The following RUFY2 variants were observed in gnomAD, a reference collection of about 807,000 sequenced individuals.
The protein encoded by RUFY2 is RUN and FYVE domain containing 2, also known as RUN and FYVE domain-containing protein 2.
In RUFY2, 49 loss-of-function variants were observed where a neutral mutation model predicts 94.4. The observed-to-expected ratio is 0.52, with a 90% CI of 0.41 to 0.66. The LOEUF (loss-of-function observed/expected upper bound fraction) is 0.66, where lower values mean the gene tolerates loss of function less well. Ranked by LOEUF, RUFY2 falls within the 30% of genes least tolerant of loss-of-function variation. The probability of loss-of-function intolerance (pLI) is 0.00; values close to 1 mark genes in which losing one functional copy is unlikely to be tolerated. For missense variants in RUFY2, 541 were observed against 692.8 expected (o/e 0.78, Z 2.46); for synonymous variants, 255 against 235.7 (o/e 1.08, Z -0.75).
chr10:68,366,375 T>C (rs2132521455), intron 13 of RUFY2, among the ~76,000 whole-genome samples: 1 of 147,186 alleles, frequency 6.8e-6, no homozygotes, highest in Non-Finnish European at 1.5e-5. Flanking sequence ...AAGGAAGATG[T>C]AAGTACATAA....
rs562937569 is a variant in RUFY2 at position 68,357,160 on chromosome 10, T to C, written c.1551-1759A>G. On this transcript the variant is annotated intron_variant, in intron 15 of 17. Transcript: ENST00000602465. ...TCCTGGGTGACAGAGCAAGACTCCA[T>C]CTCAAAAAACAAGAAAAAGAAAAAA... Among the ~76,000 whole-genome samples the C allele has an allele frequency of 2.7e-5, 4 of 150,746 alleles. No homozygotes were observed. In the South Asian group the frequency reaches 6.4e-4, roughly 24 times the overall value.
rs1246954774 is a variant in RUFY2, at chr10:68,363,592, G to A, written c.1548C>T (p.Ser516=). ...QALQELGNKL[S]ESKLKIEDIK... ...AGTTGAAGGAAAAAAGAAATTACTCGCTAAGCTTGTTGCCGAGTTCTTGAA... is the reference window on the plus strand; with the variant it reads ...AGTTGAAGGAAAAAAGAAATTACTCACTAAGCTTGTTGCCGAGTTCTTGAA... Residue 516 remains serine (S), a splice_region_variant and synonymous_variant, in exon 15 of 18, where the codon AGC becomes AGT. Transcript: ENST00000602465. 10 of 1,585,724 alleles carry A rather than the reference G, an allele frequency of 6.3e-6. No individual in the cohort carries two copies. The highest frequency in any genetic ancestry group is 7.7e-6 in the Non-Finnish European group (9 of 1,168,696).
chr10:68,366,115 C>T (rs1222023553), intron 13 of RUFY2, among the ~76,000 whole-genome samples: 1 of 151,730 alleles, frequency 6.6e-6, no homozygotes, highest in African/African-American at 2.4e-5. Flanking sequence ...TCTCTTGAGG[C>T]CAAGAGTTCA....
intron 15 of RUFY2, among the ~76,000 whole-genome samples, chr10:68,356,805 T>TC (rs1359847567): frequency 6.6e-6 from 1 of 151,218 alleles, no homozygotes; most frequent in Non-Finnish European, 1.5e-5. Flanking sequence ...TGTCTTGGCC[T>TC]CCCAAAGTGC....
At chr10:68,394,269 A>G in intron 5 of RUFY2, 59 bp downstream of exon 5, 1 of 1,609,456 alleles carries the variant, frequency 6.2e-7, no homozygotes, top group Non-Finnish European at 8.5e-7. Context: ...ACACCTGATC[A>G]AGGAGGAACT....
intron 2 of RUFY2, among the ~76,000 whole-genome samples, chr10:68,402,082 A>G (rs1214893508): frequency 6.6e-6 from 1 of 152,084 alleles, no homozygotes; most frequent in Admixed American, 6.6e-5. Flanking sequence ...TATTAAACAA[A>G]CCAAGCACAA....
At chr10:68,342,169 T>A, downstream of RUFY2, 1 of 669,636 alleles carries the variant, frequency 1.5e-6, no homozygotes, top group Non-Finnish European at 2.4e-6. Flanking sequence ...GGAATGTGTT[T>A]TCAAAATATT....
At chr10:68,354,149 T>C (rs1166428551) in intron 16 of RUFY2, among the ~76,000 whole-genome samples, 2 of 152,044 alleles carry the variant, frequency 1.3e-5, no homozygotes, top group Non-Finnish European at 2.9e-5. Context: ...AATAATATTA[T>C]TTGGAGTTAA....
chr10:68,344,544 A>C lies in RUFY2; in HGVS notation c.*1224T>G, dbSNP rs548338772. On this transcript the variant is annotated 3_prime_UTR_variant, in exon 18 of 18. Coordinates refer to ENST00000602465, the MANE Select transcript of RUFY2 (RefSeq NM_001330103.2). Reference sequence around the variant, plus strand: ...TCATTGAGTCAGCTTGAAATAGGTCAAGTGTACTGGCCAGGTGCTGTGGCT... The same window carrying C: ...TCATTGAGTCAGCTTGAAATAGGTCCAGTGTACTGGCCAGGTGCTGTGGCT... 6.6e-6 allele frequency: 1 copy of C among 152,326 alleles called. No homozygotes were observed. The highest frequency in any genetic ancestry group is 6.5e-5 in the Admixed American group (1 of 15,290). 9.4% of individuals were successfully genotyped at this position (152,326 alleles called of 1,614,324 possible). A position where few individuals can be genotyped will look rare whatever the true frequency, so the allele number is the denominator to read the frequency against.
chr10:68,371,645 A>G (rs2048292464), intron 13 of RUFY2, among the ~76,000 whole-genome samples: 1 of 152,110 alleles, frequency 6.6e-6, no homozygotes, highest in African/African-American at 2.4e-5. Context: ...AGGGGAGAAG[A>G]AAGCAACTGA....
chr10:68,366,739 AATATAT>A (rs35377318), intron 13 of RUFY2, among the ~76,000 whole-genome samples: 2 of 117,888 alleles, frequency 1.7e-5, no homozygotes, highest in Non-Finnish European at 3.5e-5. Flanking sequence ...GAGACTCTAA[AATATAT>A]ATATATATAT....
chr10:68,350,964 G>A (rs754430818), intron 16 of RUFY2, among the ~76,000 whole-genome samples: 49 of 152,028 alleles, frequency 3.2e-4, no homozygotes, highest in Non-Finnish European at 6.2e-4. Flanking sequence ...GCCCACCTCG[G>A]CCTCCTAAAG....
chr10:68,407,112 G>C (rs1034497446), intron 1 of RUFY2, 74 bp downstream of exon 1: 1 of 1,515,212 alleles, frequency 6.6e-7, no homozygotes, highest in South Asian at 1.2e-5. Context: ...CCAGCTCCCA[G>C]TCCACCCCGC....
chr10:68,401,850 T>C (rs901527324), intron 2 of RUFY2, 113 bp from the exon 3 acceptor site: 1 of 692,528 alleles, frequency 1.4e-6, no homozygotes, highest in Middle Eastern at 4.0e-4. Context: ...TTCAGAGATC[T>C]TTCCTCTTTT....
At chr10:68,401,844 G>A (rs2050872837) in intron 2 of RUFY2, 107 bp from the exon 3 acceptor site, 2 of 711,994 alleles carry the variant, frequency 2.8e-6, no homozygotes, top group Non-Finnish European at 4.9e-6. Flanking sequence ...CAATTATTCA[G>A]AGATCTTTCC....
At chr10:68,390,038 G>A (rs562043202) in intron 7 of RUFY2, among the ~76,000 whole-genome samples, 2 of 152,258 alleles carry the variant, frequency 1.3e-5, no homozygotes, top group African/African-American at 4.8e-5. Context: ...TGAAGTTTGA[G>A]CCATATGAAT....
intron 15 of RUFY2, among the ~76,000 whole-genome samples, chr10:68,357,835 T>C (rs2047167399): frequency 6.6e-6 from 1 of 152,174 alleles, no homozygotes; most frequent in African/African-American, 2.4e-5. Flanking sequence ...TATATAATTA[T>C]CTACTGTTGA....
At chr10:68,376,489 T>TATTC (rs1554885477) in intron 13 of RUFY2, among the ~76,000 whole-genome samples, 3,186 of 51,792 alleles carry the variant, frequency 0.062, 798 homozygotes, top group Non-Finnish European at 0.085. Context: ...TATATATATA[T>TATTC]ATTCTCAGAA....
chr10:68,376,403 T>A lies in RUFY2; in HGVS notation c.1325+450A>T, dbSNP rs558006406. Among the ~76,000 whole-genome samples the A allele has an allele frequency of 1.4e-3, 182 of 133,430 alleles. 1 individual carries two copies. Among genetic ancestry groups the A allele is most frequent in the Middle Eastern group, 8.8e-3 (2 of 228 alleles). 87.5% of individuals were successfully genotyped at this position (133,430 alleles called of 152,430 possible). On this transcript the variant is annotated intron_variant, in intron 13 of 17. Coordinates refer to ENST00000602465, the MANE Select transcript of RUFY2 (RefSeq NM_001330103.2). ...GGTCACATGCCATTGCATTCCAGCC[T>A]GGGCAACAAGAGTGAAACTTCATCT...
Sources: gnomAD v4.1 joint callset for allele counts (sites outside exome capture counted in the v4.1 genomes callset) on GRCh38, gnomAD v4.1.1 for gene constraint, MANE v1.5 for transcripts, NCBI Gene and HGNC (gene_info 2026-07-23, HGNC 2026-07-21) for gene names.